The following MTSS1 variants were observed in gnomAD, a reference collection of about 807,000 sequenced individuals.
MTSS1 encodes protein MTSS 1.
MTSS1 carries 18 observed loss-of-function variants against 79.0 expected under a neutral mutation model. The ratio of observed to expected loss-of-function variants is 0.23; its 90% CI spans 0.16 to 0.34. MTSS1 has a LOEUF of 0.34. Ranked by LOEUF, MTSS1 falls within the 10% of genes least tolerant of loss-of-function variation. The pLI, the probability that MTSS1 is intolerant of heterozygous loss-of-function variation, is 1.00. For missense variants in MTSS1, 815 were observed against 986.2 expected, an observed-to-expected ratio of 0.83 and a Z score of 2.33; for synonymous variants, 341 against 368.6, an observed-to-expected ratio of 0.93 and a Z score of 0.86.
chr8:124,679,395 C>T (rs954004190), intron 3 of MTSS1, among the ~76,000 whole-genome samples: 1 of 152,192 alleles, frequency 6.6e-6, no homozygotes, highest in Admixed American at 6.5e-5. Context: ...TTAGACTCAA[C>T]TTGGAAGCTT....
intron 1 of MTSS1, among the ~76,000 whole-genome samples, chr8:124,713,854 C>G (rs1831522244): frequency 2.0e-5 from 3 of 151,488 alleles, no homozygotes; most frequent in Admixed American, 2.0e-4. Flanking sequence ...CCCAAGCGAT[C>G]CTCCTGCCTC....
At chr8:124,639,743 C>T (rs1054206778) in intron 3 of MTSS1, among the ~76,000 whole-genome samples, 1 of 152,160 alleles carries the variant, frequency 6.6e-6, no homozygotes, top group African/African-American at 2.4e-5. Flanking sequence ...GGATTACAGG[C>T]GTGAGCCACC....
chr8:124,574,683 A>C (rs981149022), intron 6 of MTSS1, among the ~76,000 whole-genome samples: 2 of 152,228 alleles, frequency 1.3e-5, no homozygotes, highest in African/African-American at 4.8e-5. Flanking sequence ...TCAACAAGCC[A>C]GTGGCTGTTC....
At chr8:124,618,378 C>T (rs1179045055) in intron 3 of MTSS1, among the ~76,000 whole-genome samples, 1 of 152,236 alleles carries the variant, frequency 6.6e-6, no homozygotes, top group Non-Finnish European at 1.5e-5. Context: ...GGCCTTCATT[C>T]ATGCCAAGAG....
intron 3 of MTSS1, among the ~76,000 whole-genome samples, chr8:124,659,034 A>C (rs1022507247): frequency 2.0e-5 from 3 of 152,180 alleles, no homozygotes; most frequent in African/African-American, 7.2e-5. Context: ...AATCTGAACA[A>C]ACCCCAGCAA....
At chr8:124,698,485 A>C (rs956064317) in intron 3 of MTSS1, among the ~76,000 whole-genome samples, 2 of 151,780 alleles carry the variant, frequency 1.3e-5, no homozygotes, top group African/African-American at 4.8e-5. Context: ...TGTTACTGGT[A>C]ATGTTGCATG....
At chr8:124,701,126 A>G (rs1342631095) in intron 2 of MTSS1, among the ~76,000 whole-genome samples, 2 of 152,142 alleles carry the variant, frequency 1.3e-5, no homozygotes, top group Non-Finnish European at 2.9e-5. Context: ...AGTCCCAGCT[A>G]CTCAGGAGGC....
At chr8:124,677,932 C>G (rs573668251) in intron 3 of MTSS1, among the ~76,000 whole-genome samples, 1 of 152,310 alleles carries the variant, frequency 6.6e-6, no homozygotes, top group Non-Finnish European at 1.5e-5. Flanking sequence ...AGCATAGTTA[C>G]TCCTATTTTC....
In MTSS1 at chr8:124,553,014, C is replaced by A. The variant is rs768543549; in HGVS notation, c.2246G>T (p.Arg749Leu). 1.2e-6 allele frequency: 2 copies of A among 1,613,400 alleles called. No individual in the cohort carries two copies. The highest frequency in any genetic ancestry group is 1.7e-6 in the Non-Finnish European group (2 of 1,179,408). ...VKLKKTTTNDRSAPRFS is the reference protein window; with the variant it reads ...VKLKKTTTNDLSAPRFS ...AACCTAAGAAAAGCGAGGGGCTGAG[C>A]GATCGTTTGTCGTGGTCTTCTTCAG... Residue 749 changes from arginine (R) to leucine (L), a missense_variant, in exon 14 of 14, where the codon CGC becomes CTC. Transcript: ENST00000518547. The surrounding 1 kb of genome is among the most constrained non-coding windows in gnomAD (Gnocchi z 6.0).
At chr8:124,576,106 A>G (rs1828909218) in intron 6 of MTSS1, among the ~76,000 whole-genome samples, 1 of 152,164 alleles carries the variant, frequency 6.6e-6, no homozygotes, top group Non-Finnish European at 1.5e-5. Flanking sequence ...ACACACTGTC[A>G]CGGTGGAATT....
chr8:124,639,193 C>T (rs957007559), intron 3 of MTSS1, among the ~76,000 whole-genome samples: 34 of 152,072 alleles, frequency 2.2e-4, no homozygotes, highest in African/African-American at 7.7e-4. Flanking sequence ...AAAAATTAGC[C>T]GGGCTTTGGT....
intron 3 of MTSS1, among the ~76,000 whole-genome samples, chr8:124,606,367 T>C (rs999791991): frequency 6.6e-6 from 1 of 151,996 alleles, no homozygotes; most frequent in South Asian, 2.1e-4. Flanking sequence ...CAGGCTGGTC[T>C]CAAACTCATG....
rs574649918 is a variant in MTSS1 at position 124,606,214 on chromosome 8, C to T, written c.209-14979G>A. ...TGAGATAGAGTTTCACTCTTGTGGC[C>T]CAGGCTGGAGTACAATGGCATGATC... is the stretch of plus-strand genomic sequence containing the variant. On this transcript the variant is annotated intron_variant, in intron 3 of 13. Coordinates refer to ENST00000518547, the MANE Select transcript of MTSS1 (RefSeq NM_014751.6). 6.7e-5 allele frequency among the ~76,000 whole-genome samples: 10 copies of T among 148,648 alleles called. No homozygotes were observed. The East Asian group carries it at 1.8e-3, about 26-fold the overall frequency.
rs1289755151 is a variant in MTSS1 at position 124,555,724 on chromosome 8, C to T, written c.1567+18G>A. 6 of 1,590,902 alleles carry T rather than the reference C, an allele frequency of 3.8e-6. No homozygotes were observed. The highest frequency in any genetic ancestry group is 2.2e-5 in the East Asian group (1 of 44,536). On this transcript the variant is annotated intron_variant, in intron 13 of 13. Transcript: ENST00000518547. ...GCTGCTCAGAAAGCCTAAGTGCACA[C>T]CCCAGGCTGCCTCGTACCTTGGGAA...
intron 3 of MTSS1, among the ~76,000 whole-genome samples, chr8:124,642,914 T>C (rs1203044358): frequency 6.6e-6 from 1 of 152,098 alleles, no homozygotes; most frequent in Non-Finnish European, 1.5e-5. Flanking sequence ...TTAAGCACGG[T>C]GTTAAACCTC....
rs1031184501 is a variant in MTSS1 at position 124,567,713 on chromosome 8, C to T, written c.619-535G>A. ...GGAAGAAACATCCCATGTGCTTTAT[C>T]GAAGTGCCAAGTTGGGACCACGGGC... On this transcript the variant is annotated intron_variant, in intron 7 of 13. Transcript: ENST00000518547. The T allele has an allele frequency of 7.3e-6, 11 of 1,501,572 alleles. No individual in the cohort carries two copies. The African/African-American group carries it at 8.4e-5, about 11-fold the overall frequency. The allele number at this position is 1,501,572 out of a possible 1,614,324, so 93.0% of individuals were successfully genotyped here. A position where few individuals can be genotyped will look rare whatever the true frequency, so the allele number is the denominator to read the frequency against.
intron 3 of MTSS1, among the ~76,000 whole-genome samples, chr8:124,644,070 G>A (rs973082837): frequency 6.6e-6 from 1 of 152,068 alleles, no homozygotes; most frequent in African/African-American, 2.4e-5. Flanking sequence ...AGAAAGAATA[G>A]GATTCCCTTT....
intron 6 of MTSS1, chr8:124,568,809 C>T: frequency 6.9e-7 from 1 of 1,443,296 alleles, no homozygotes; most frequent in Admixed American, 2.8e-5. Flanking sequence ...TCTCACACTG[C>T]ACAACCCCCA....
rs117511976 is a variant in MTSS1 at position 124,582,711 on chromosome 8, G to A, written c.460+2376C>T. On this transcript the variant is annotated intron_variant, in intron 6 of 13. Coordinates refer to ENST00000518547, the MANE Select transcript of MTSS1 (RefSeq NM_014751.6). The surrounding 1 kb of genome is among the most constrained non-coding windows in gnomAD (Gnocchi z 4.8). ...TAACACTTTTACAAACCGAGGGTCC[G>A]GGAATCTGCCACTTGAAGGAGATGA... Among the ~76,000 whole-genome samples the A allele has an allele frequency of 1.3e-4, 20 of 152,278 alleles. No homozygotes were observed. The South Asian group carries it at 2.1e-3, about 16-fold the overall frequency.
Sources: gnomAD v4.1 joint callset for allele counts (sites outside exome capture counted in the v4.1 genomes callset) on GRCh38, gnomAD v4.1.1 for gene constraint, Gnocchi (gnomAD v3.1) non-coding constraint, MANE v1.5 for transcripts, NCBI Gene and HGNC (gene_info 2026-07-23, HGNC 2026-07-21) for gene names.